TRPM3: variants seen among roughly 807,000 people sequenced by gnomAD.
The protein encoded by TRPM3 is long transient receptor potential channel 3.
In TRPM3, 77 loss-of-function variants were observed where a neutral mutation model predicts 181.2. The observed-to-expected ratio is 0.42, with a 90% CI of 0.35 to 0.51. TRPM3 has a LOEUF of 0.51. Ranked by LOEUF, TRPM3 falls within the 20% of genes least tolerant of loss-of-function variation. TRPM3 has a pLI of 0.01. For missense variants in TRPM3, 1,759 were observed against 2,196.7 expected, an observed-to-expected ratio of 0.80 and a Z score of 3.98; for synonymous variants, 745 against 796.4, an observed-to-expected ratio of 0.94 and a Z score of 1.09.
intron 1 of TRPM3, among the ~76,000 whole-genome samples, chr9:71,047,586 T>C (rs577237641): frequency 7.2e-5 from 11 of 152,284 alleles, no homozygotes; most frequent in African/African-American, 2.4e-4. Flanking sequence ...CCCCTGTAAC[T>C]CAGGCTATCC....
chr9:71,005,697 G>C (rs1353596472), intron 1 of TRPM3, among the ~76,000 whole-genome samples: 1 of 151,974 alleles, frequency 6.6e-6, no homozygotes, highest in Admixed American at 6.6e-5. Context: ...CAAACAAGGA[G>C]AAATAAAAAG....
At chr9:70,841,582 G>A (rs1172343688) in intron 5 of TRPM3, among the ~76,000 whole-genome samples, 1 of 142,630 alleles carries the variant, frequency 7.0e-6, no homozygotes, top group African/African-American at 2.6e-5. Flanking sequence ...ATCAAACTAA[G>A]TGTCCATCAA....
intron 1 of TRPM3, among the ~76,000 whole-genome samples, chr9:71,364,313 AG>A (rs2132746386): frequency 6.6e-6 from 1 of 152,356 alleles, no homozygotes; most frequent in East Asian, 1.9e-4. Flanking sequence ...GAACCATTTA[AG>A]GAAACTTGAA....
intron 1 of TRPM3, among the ~76,000 whole-genome samples, chr9:71,359,372 A>C (rs2092046093): frequency 6.6e-6 from 1 of 152,228 alleles, no homozygotes; most frequent in Non-Finnish European, 1.5e-5. Flanking sequence ...TCCATGAAGA[A>C]AGGGAATTTT....
chr9:71,408,248 C>T (rs534367907), intron 1 of TRPM3, among the ~76,000 whole-genome samples: 13 of 152,250 alleles, frequency 8.5e-5, no homozygotes, highest in Middle Eastern at 3.4e-3. Context: ...GGATGGAGAA[C>T]GACTTTGACA....
At chr9:71,410,736 G>A (rs1442814990) in intron 1 of TRPM3, among the ~76,000 whole-genome samples, 1 of 152,132 alleles carries the variant, frequency 6.6e-6, no homozygotes. Context: ...GAAAAAGAGG[G>A]AATCCTCCCT....
At chr9:71,257,785 T>C (rs576802834) in intron 1 of TRPM3, among the ~76,000 whole-genome samples, 1 of 152,284 alleles carries the variant, frequency 6.6e-6, no homozygotes, top group Non-Finnish European at 1.5e-5. Context: ...TACTGGTAGG[T>C]CTTTTGATAA....
intron 1 of TRPM3, among the ~76,000 whole-genome samples, chr9:70,963,588 A>G (rs1365575769): frequency 6.6e-6 from 1 of 152,100 alleles, no homozygotes; most frequent in African/African-American, 2.4e-5. Context: ...CGAGGTATGC[A>G]TTGATATTTT....
chr9:70,955,272 T>C (rs2097055585), intron 1 of TRPM3, among the ~76,000 whole-genome samples: 1 of 152,196 alleles, frequency 6.6e-6, no homozygotes, highest in South Asian at 2.1e-4. Context: ...GGGACACTTG[T>C]TGGAGGCTGT....
intron 1 of TRPM3, among the ~76,000 whole-genome samples, chr9:70,979,452 T>C (rs1245332841): frequency 6.6e-6 from 1 of 152,178 alleles, no homozygotes; most frequent in Non-Finnish European, 1.5e-5. Context: ...GGGATCCAAC[T>C]GTATACATAA....
chr9:71,408,474 C>T (rs916614030), intron 1 of TRPM3, among the ~76,000 whole-genome samples: 14 of 151,826 alleles, frequency 9.2e-5, no homozygotes, highest in African/African-American at 2.9e-4. Flanking sequence ...CTTCAGTAGC[C>T]GATTCAATCA....
At chr9:70,923,510 CA>C (rs1223779273) in intron 1 of TRPM3, among the ~76,000 whole-genome samples, 1 of 151,570 alleles carries the variant, frequency 6.6e-6, no homozygotes, top group African/African-American at 2.4e-5. Flanking sequence ...AGAGAAATTA[CA>C]AAGAAGAAAA....
intron 1 of TRPM3, among the ~76,000 whole-genome samples, chr9:70,928,427 G>A (rs2096742583): frequency 6.6e-6 from 1 of 152,196 alleles, no homozygotes; most frequent in Non-Finnish European, 1.5e-5. Flanking sequence ...TCTGGCCACA[G>A]TGTTAGATCA....
intron 6 of TRPM3, among the ~76,000 whole-genome samples, chr9:70,808,053 G>T (rs776290376): frequency 6.6e-6 from 1 of 152,194 alleles, no homozygotes; most frequent in South Asian, 2.1e-4. Flanking sequence ...TGGGACATAC[G>T]ATCTACATGG....
intron 1 of TRPM3, among the ~76,000 whole-genome samples, chr9:71,230,842 T>C (rs143927009): frequency 1.3e-5 from 2 of 152,332 alleles, no homozygotes; most frequent in Non-Finnish European, 2.9e-5. Context: ...AATGCTGTTC[T>C]GTAGAGTCCA....
chr9:71,331,460 C>A (rs1305062048), intron 1 of TRPM3, among the ~76,000 whole-genome samples: 3 of 151,750 alleles, frequency 2.0e-5, no homozygotes, highest in African/African-American at 7.3e-5. Flanking sequence ...TGCCTCATTT[C>A]TCATCTACAT....
At chr9:71,153,595 T>C (rs1385130142) in intron 1 of TRPM3, among the ~76,000 whole-genome samples, 1 of 152,110 alleles carries the variant, frequency 6.6e-6, no homozygotes, top group Non-Finnish European at 1.5e-5. Flanking sequence ...AATTTTGTTT[T>C]TCTAAATGTC....
At chr9:71,123,174 G>A (rs2073824073), upstream of TRPM3, among the ~76,000 whole-genome samples, 1 of 152,080 alleles carries the variant, frequency 6.6e-6, no homozygotes, top group African/African-American at 2.4e-5. Flanking sequence ...CTTTCAAAAG[G>A]GACTTCAGGA....
intron 1 of TRPM3, among the ~76,000 whole-genome samples, chr9:71,237,393 T>C (rs1180204377): frequency 6.6e-6 from 1 of 152,148 alleles, no homozygotes; most frequent in East Asian, 1.9e-4. Flanking sequence ...GGATTTTAAA[T>C]AGTCTCTTTA....
Sources: gnomAD v4.1 joint callset for allele counts (sites outside exome capture counted in the v4.1 genomes callset) on GRCh38, gnomAD v4.1.1 for gene constraint, MANE v1.5 for transcripts, NCBI Gene and HGNC (gene_info 2026-07-23, HGNC 2026-07-21) for gene names.